The following CCDC7 variants were observed in gnomAD, a reference collection of about 807,000 sequenced individuals.
CCDC7 encodes the protein coiled-coil domain-containing protein 7.
In CCDC7, 183 loss-of-function variants were observed where a neutral mutation model predicts 196.9. The observed-to-expected ratio is 0.93, with a 90% CI of 0.82 to 1.05. The LOEUF is 1.05. CCDC7 is among the 50% of genes least tolerant of loss of function. CCDC7 has a pLI of 0.00. For missense variants in CCDC7, 1,540 were observed against 1,482.2 expected, an observed-to-expected ratio of 1.04 and a Z score of -0.64; for synonymous variants, 525 against 484.6, an observed-to-expected ratio of 1.08 and a Z score of -1.10.
chr10:32,630,334 A>G (rs1280805758), intron 18 of CCDC7, among the ~76,000 whole-genome samples: 1 of 148,248 alleles, frequency 6.7e-6, no homozygotes, highest in Non-Finnish European at 1.5e-5. Flanking sequence ...GTGTGTATAT[A>G]TGTATATATA....
chr10:32,456,249 A>T lies in CCDC7; in HGVS notation c.373-2A>T. 6.6e-7 allele frequency: 1 copy of T among 1,524,084 alleles called. No individual in the cohort carries two copies. The highest frequency in any genetic ancestry group is 2.3e-5 in the East Asian group (1 of 43,508). The allele number at this position is 1,524,084 out of a possible 1,614,324, so 94.4% of individuals were successfully genotyped here. A position where few individuals can be genotyped will look rare whatever the true frequency, so the allele number is the denominator to read the frequency against. ...TTTATGTTTTATTATTCTTTTCAAA[A>T]GGTTGGGGATGATATGAATTCATTC... On this transcript the variant is annotated splice_acceptor_variant, in intron 2 of 41. Coordinates refer to ENST00000639629, the Ensembl canonical transcript of CCDC7. LOFTEE classifies it high-confidence loss of function.
chr10:32,659,641 C>T (rs1260508730), intron 20 of CCDC7, among the ~76,000 whole-genome samples: 6 of 152,098 alleles, frequency 3.9e-5, no homozygotes, highest in African/African-American at 1.4e-4. Flanking sequence ...GCAACAACAA[C>T]AAACAACCCC....
At chr10:32,882,499 T>C (rs976706278) in intron 22 of CCDC7, among the ~76,000 whole-genome samples, 194 bp from the exon 44 acceptor site, 1 of 152,066 alleles carries the variant, frequency 6.6e-6, no homozygotes, top group African/African-American at 2.4e-5. Flanking sequence ...AAAAGAATAT[T>C]TTAGGATTGA....
At chr10:32,611,558 T>A (rs958556669) in intron 18 of CCDC7, among the ~76,000 whole-genome samples, 2 of 152,296 alleles carry the variant, frequency 1.3e-5, no homozygotes, top group African/African-American at 2.4e-5. Context: ...TTTTAGGTCT[T>A]ACATTTAAGT....
intron 41 of CCDC7, among the ~76,000 whole-genome samples, chr10:32,857,601 G>T (rs2093802421): frequency 6.6e-6 from 1 of 151,974 alleles, no homozygotes. Context: ...GAATCACAAC[G>T]TATCAAAATC....
intron 18 of CCDC7, among the ~76,000 whole-genome samples, chr10:32,585,002 A>T (rs1249507251): frequency 6.6e-6 from 1 of 152,014 alleles, no homozygotes; most frequent in Non-Finnish European, 1.5e-5. Context: ...AAAAGCAAAG[A>T]TATTTTTTTC....
At chr10:32,707,512 G>C (rs184503644) in intron 24 of CCDC7, among the ~76,000 whole-genome samples, 5 of 152,162 alleles carry the variant, frequency 3.3e-5, no homozygotes, top group African/African-American at 1.2e-4. Flanking sequence ...ATTCAATTAG[G>C]AAAAGAGGAA....
intron 29 of CCDC7, among the ~76,000 whole-genome samples, chr10:32,784,560 T>C (rs558690088): frequency 1.3e-4 from 20 of 151,638 alleles, no homozygotes; most frequent in Non-Finnish European, 2.8e-4. Flanking sequence ...CATGATCTCA[T>C]TTCTTTTTAT....
chr10:32,557,786 G>A (rs2054611826), intron 13 of CCDC7, among the ~76,000 whole-genome samples: 1 of 151,940 alleles, frequency 6.6e-6, no homozygotes, highest in South Asian at 2.1e-4. Flanking sequence ...TGAGCTCCTG[G>A]GCTCAAATGA....
At chr10:32,775,452 T>C (rs1441325862) in intron 28 of CCDC7, among the ~76,000 whole-genome samples, 2 of 152,180 alleles carry the variant, frequency 1.3e-5, no homozygotes, top group African/African-American at 4.8e-5. Flanking sequence ...TTGAGTACTT[T>C]GAAGATTACT....
chr10:32,472,335 T>C, intron 6 of CCDC7, 146 bp from the exon 8 acceptor site: 1 of 649,402 alleles, frequency 1.5e-6, no homozygotes, highest in Middle Eastern at 5.0e-4. Context: ...TTTACCTTAG[T>C]GTCTGTGAGT....
intron 24 of CCDC7, among the ~76,000 whole-genome samples, chr10:32,697,983 G>A (rs1355810447): frequency 2.0e-5 from 3 of 152,156 alleles, no homozygotes; most frequent in Non-Finnish European, 4.4e-5. Context: ...TCCAGAGGAA[G>A]GATCAGGCAG....
In CCDC7 at chr10:32,669,609, T is replaced by C. The variant is rs182307756; in HGVS notation, c.2122+5448T>C. ...TCTCTTCTTCATGATTTAGTCATGG[T>C]AGGTTGCATGTGTCTAGGAATTATT... On this transcript the variant is annotated intron_variant, in intron 21 of 41. Coordinates refer to ENST00000639629, the Ensembl canonical transcript of CCDC7. 2.9e-4 allele frequency among the ~76,000 whole-genome samples: 44 copies of C among 152,288 alleles called. No homozygotes were observed. In the East Asian group the frequency reaches 8.3e-3, roughly 29 times the overall value.
chr10:32,541,231 C>T (rs1260015993), intron 11 of CCDC7, among the ~76,000 whole-genome samples: 4 of 152,118 alleles, frequency 2.6e-5, no homozygotes, highest in Non-Finnish European at 5.9e-5. Flanking sequence ...ACCTGGCTAC[C>T]AGCAGTGGGG....
At chr10:32,523,751 GT>G (rs1013918777) in intron 11 of CCDC7, among the ~76,000 whole-genome samples, 55 of 151,624 alleles carry the variant, frequency 3.6e-4, no homozygotes, top group Non-Finnish European at 5.4e-4. Context: ...TCTTCTTACA[GT>G]TTTTGTGTTG....
At chr10:32,480,518 T>C (rs1028281177) in intron 8 of CCDC7, among the ~76,000 whole-genome samples, 2 of 152,166 alleles carry the variant, frequency 1.3e-5, no homozygotes, top group Admixed American at 1.3e-4. Flanking sequence ...ATAATCTTCC[T>C]TTTAATAACT....
At chr10:32,668,321 A>G (rs1162829473) in intron 21 of CCDC7, among the ~76,000 whole-genome samples, 3 of 152,160 alleles carry the variant, frequency 2.0e-5, no homozygotes, top group Non-Finnish European at 4.4e-5. Flanking sequence ...GCAAACAGGA[A>G]CAATTTGACT....
chr10:32,650,405 TGAG>T lies in CCDC7; in HGVS notation c.2015-13645_2015-13643del, dbSNP rs1224685818. Among the ~76,000 whole-genome samples, 5 of 152,344 alleles carry T rather than the reference TGAG, an allele frequency of 3.3e-5. No individual in the cohort carries two copies. The South Asian group carries it at 1.0e-3, about 32-fold the overall frequency. ...ACATTTGCAACTGTGTTCTGCCATG[TGAG>T]GAGAAGAGATGTAACTCTCTCACCA... is the stretch of plus-strand genomic sequence containing the variant. On this transcript the variant is annotated intron_variant, in intron 20 of 41. Coordinates refer to ENST00000639629, the Ensembl canonical transcript of CCDC7.
chr10:32,678,975 C>T lies in CCDC7; in HGVS notation c.2123-6995C>T, dbSNP rs2075444018. 1.3e-5 allele frequency among the ~76,000 whole-genome samples: 2 copies of T among 152,142 alleles called. 1 individual carries two copies. Among genetic ancestry groups the T allele is most frequent in the South Asian group, 4.1e-4 (2 of 4,828 alleles). ...GCCTCCTATTCCATGATCTTACTTA[C>T]ATCAATCCCCCTATTTTAATTTATT... is the stretch of plus-strand genomic sequence containing the variant. On this transcript the variant is annotated intron_variant, in intron 21 of 41. Transcript: ENST00000639629.
Sources: allele counts gnomAD v4.1 joint callset (sites outside exome capture counted in the v4.1 genomes callset), GRCh38; gene constraint gnomAD v4.1.1; transcripts MANE v1.5; gene names NCBI Gene and HGNC (gene_info 2026-07-23, HGNC 2026-07-21).